The following ATP10A variants were observed in gnomAD, a reference collection of about 807,000 sequenced individuals.
ATP10A encodes ATPase phospholipid transporting 10A (putative), also known as phospholipid-transporting ATPase VA.
ATP10A carries 111 observed loss-of-function variants against 147.8 expected under a neutral mutation model. The observed-to-expected ratio is 0.75, with a 90% confidence interval of 0.64 to 0.88. The LOEUF (loss-of-function observed/expected upper bound fraction) is 0.88, where lower values mean the gene tolerates loss of function less well. Ranked by LOEUF, ATP10A falls within the 40% of genes least tolerant of loss-of-function variation. The pLI, the probability that ATP10A is intolerant of heterozygous loss-of-function variation, is 0.00. For synonymous variants in ATP10A, 875 were observed against 841.6 expected (o/e 1.04, Z -0.69); for missense variants, 1,927 against 1,959.0 (o/e 0.98, Z 0.31).
Position 25,713,923 on chromosome 15 carries a change from C to G in ATP10A, c.2095G>C (p.Asp699His). Residue 699 changes from aspartate (D) to histidine (H), a missense_variant, in exon 10 of 21, where the codon GAT becomes CAT. Asp to His is a moderately conservative substitution (Grantham distance 81). Transcript: ENST00000555815. ...RELRYEAESP[D>H]EAALVYAARA... ...GCCGCATACACCAGTGCGGCCTCAT[C>G]CGGGCTCTCCGCCTCGTACCGCAGC... 2 of 1,612,566 alleles carry G rather than the reference C, an allele frequency of 1.2e-6. No individual in the cohort carries two copies. Among genetic ancestry groups the G allele is most frequent in the Non-Finnish European group, 1.7e-6 (2 of 1,180,022 alleles).
downstream of ATP10A, among the ~76,000 whole-genome samples, chr15:25,675,893 C>A (rs1054162608): frequency 6.6e-5 from 10 of 151,912 alleles, no homozygotes; most frequent in African/African-American, 2.4e-4. Context: ...CTGCAGTGAG[C>A]TGTGATCACA....
At chr15:25,708,407 C>A in intron 10 of ATP10A, 107 bp from the exon 11 acceptor site, 1 of 882,472 alleles carries the variant, frequency 1.1e-6, no homozygotes, top group Non-Finnish European at 1.8e-6. Context: ...GCGAATAGAG[C>A]ACAAATTTTC....
intron 1 of ATP10A, among the ~76,000 whole-genome samples, chr15:25,823,958 A>G (rs976705009): frequency 6.6e-6 from 1 of 152,182 alleles, no homozygotes; most frequent in African/African-American, 2.4e-5. Flanking sequence ...CACCTCTGCA[A>G]CTACAGCACA....
At position 25,716,748 on chromosome 15, in the gene ATP10A, C is replaced by A; in HGVS notation, c.1758G>T (p.Pro586=). 6.3e-7 allele frequency: 1 copy of A among 1,591,852 alleles called. No individual in the cohort carries two copies. Among genetic ancestry groups the A allele is most frequent in the South Asian group, 1.1e-5 (1 of 87,704 alleles). ...AACTTGCCTTTGTTCGTGGCTGATC[C>A]GGGGACGTGACGACGACTGTGTTGC... The part of the protein sequence containing the change: ...TICNTVVVTS[P]DQPRTKVRVR... The change falls in exon 9 of 21, where the codon CCG becomes CCT. Residue 586 remains proline, a synonymous_variant. Transcript: ENST00000555815.
At chr15:25,818,918 C>G (rs1044275580) in intron 1 of ATP10A, among the ~76,000 whole-genome samples, 3 of 152,138 alleles carry the variant, frequency 2.0e-5, no homozygotes, top group African/African-American at 7.2e-5. Flanking sequence ...CTATCTCTCA[C>G]TCTATACACA....
chr15:25,781,355 G>A, intron 1 of ATP10A, 132 bp from the exon 2 acceptor site: 6 of 793,686 alleles, frequency 7.6e-6, no homozygotes, highest in Admixed American at 2.5e-5. Context: ...TAATAAACAG[G>A]TGTTTTAAAA....
Position 25,713,895 on chromosome 15 carries a change from C to A in ATP10A, c.2123G>T (p.Arg708Ile). The A allele has an allele frequency of 6.2e-7, 1 of 1,613,626 alleles. No homozygotes were observed. Among genetic ancestry groups the A allele is most frequent in the Non-Finnish European group, 8.5e-7 (1 of 1,180,052 alleles). The change falls in exon 10 of 21, where the codon AGA (arginine) becomes ATA (isoleucine). Residue 708 changes from arginine to isoleucine, a missense_variant. By Grantham distance (97) the Arg-to-Ile change is moderately conservative (BLOSUM62 -3). Coordinates refer to ENST00000555815, the MANE Select transcript of ATP10A (RefSeq NM_024490.4). Reference protein sequence around the residue: ...PDEAALVYAARAYNCVLVERL... With the variant: ...PDEAALVYAAIAYNCVLVERL... ...CTCCACAAGCACGCAGTTGTAGGCT[C>A]TGGCCGCATACACCAGTGCGGCCTC...
chr15:25,859,922 G>T (rs1017541893), intron 1 of ATP10A, among the ~76,000 whole-genome samples: 2 of 152,116 alleles, frequency 1.3e-5, no homozygotes, highest in Admixed American at 6.5e-5. Flanking sequence ...TACTCTGCGT[G>T]AACAATGTGT....
intron 2 of ATP10A, among the ~76,000 whole-genome samples, chr15:25,742,687 CG>C (rs1887636547): frequency 6.6e-6 from 1 of 152,188 alleles, no homozygotes; most frequent in Non-Finnish European, 1.5e-5. Context: ...CTTTCTCCTC[CG>C]TCAAATGCAC....
chr15:25,797,471 T>C (rs9652531), intron 1 of ATP10A, among the ~76,000 whole-genome samples: 14,729 of 150,284 alleles, frequency 0.098, 968 homozygotes, highest in East Asian at 0.33. Flanking sequence ...TCAGAGGTTC[T>C]GTGCTCCCTT....
At chr15:25,864,407 G>A (rs1383439140), upstream of ATP10A, among the ~76,000 whole-genome samples, 2 of 152,184 alleles carry the variant, frequency 1.3e-5, no homozygotes, top group Non-Finnish European at 2.9e-5. Context: ...GTGGCCCCAG[G>A]CTCTTCCTGG....
At chr15:25,722,744 G>T (rs1902321058) in intron 6 of ATP10A, among the ~76,000 whole-genome samples, 1 of 152,270 alleles carries the variant, frequency 6.6e-6, no homozygotes, top group South Asian at 2.1e-4. Flanking sequence ...AGACAGCAAA[G>T]GTTCCCTCCT....
intron 13 of ATP10A, among the ~76,000 whole-genome samples, chr15:25,700,012 C>T (rs1467996493): frequency 6.6e-6 from 1 of 152,066 alleles, no homozygotes; most frequent in Non-Finnish European, 1.5e-5. Context: ...GACTTACATA[C>T]AGAAAACATA....
At chr15:25,778,472 T>C (rs575526503) in intron 2 of ATP10A, among the ~76,000 whole-genome samples, 2 of 149,062 alleles carry the variant, frequency 1.3e-5, no homozygotes, top group Non-Finnish European at 3.0e-5. Context: ...ACCAAAAAAA[T>C]GTCTTTGGAC....
At chr15:25,726,109 C>T (rs1430756413) in intron 4 of ATP10A, 27 bp from the exon 5 acceptor site, 3 of 1,608,414 alleles carry the variant, frequency 1.9e-6, no homozygotes, top group African/African-American at 2.7e-5. Flanking sequence ...AGAGACATGG[C>T]AAGTCAGAGA....
At chr15:25,825,124 G>T (rs894567925) in intron 1 of ATP10A, among the ~76,000 whole-genome samples, 1 of 152,178 alleles carries the variant, frequency 6.6e-6, no homozygotes, top group Admixed American at 6.5e-5. Context: ...AGTTGACCAG[G>T]CTGCTTTTCC....
At chr15:25,816,057 T>C (rs1368006884) in intron 1 of ATP10A, among the ~76,000 whole-genome samples, 1 of 150,996 alleles carries the variant, frequency 6.6e-6, no homozygotes, top group Non-Finnish European at 1.5e-5. Context: ...AATTGACTTA[T>C]AGGAAAATTA....
At chr15:25,717,365 C>T (rs946980280) in intron 8 of ATP10A, among the ~76,000 whole-genome samples, 5 of 152,156 alleles carry the variant, frequency 3.3e-5, no homozygotes, top group African/African-American at 1.2e-4. Flanking sequence ...TTCAGTTTTG[C>T]TGATGTAAAT....
At chr15:25,783,308 C>T (rs1343148370) in intron 1 of ATP10A, among the ~76,000 whole-genome samples, 1 of 152,184 alleles carries the variant, frequency 6.6e-6, no homozygotes, top group Non-Finnish European at 1.5e-5. Context: ...CTACTCTCAC[C>T]CGAGTTCCAA....
Sources: allele counts gnomAD v4.1 joint callset (sites outside exome capture counted in the v4.1 genomes callset), GRCh38; gene constraint gnomAD v4.1.1; transcripts MANE v1.5; gene names NCBI Gene and HGNC (gene_info 2026-07-23, HGNC 2026-07-21).